TBX3: variants seen among roughly 807,000 people sequenced by gnomAD.
TBX3 encodes T-box transcription factor TBX3.
Under a neutral mutation model 47.8 loss-of-function variants are expected in TBX3, and 11 were observed. The observed-to-expected ratio is 0.23, with a 90% CI of 0.14 to 0.38. The LOEUF (loss-of-function observed/expected upper bound fraction) is 0.38, where lower values mean the gene tolerates loss of function less well. Among genes scored for constraint, TBX3 ranks in the 10% least tolerant of loss-of-function variants. TBX3 has a pLI of 1.00. For missense variants in TBX3, 927 were observed against 1,022.8 expected, an observed-to-expected ratio of 0.91 and a Z score of 1.28; for synonymous variants, 500 against 449.3, an observed-to-expected ratio of 1.11 and a Z score of -1.43.
intron 2 of TBX3, chr12:114,680,665 C>T: frequency 1.4e-6 from 1 of 695,074 alleles, no homozygotes. Flanking sequence ...AGAACACAAG[C>T]CGGTAAGTTT....
chr12:114,681,150 T>C lies in TBX3; in HGVS notation c.390-4A>G, dbSNP rs373887397. Reference sequence around the variant, plus strand: ...TTTAAATGGAGGAAACATTCGCCTATAAAACGAAAGAATAGAAAAGAAAAA... The same window carrying C: ...TTTAAATGGAGGAAACATTCGCCTACAAAACGAAAGAATAGAAAAGAAAAA... On this transcript the variant is annotated splice_region_variant and splice_polypyrimidine_tract_variant and intron_variant, in intron 1 of 6. Transcript: ENST00000349155. 52 of 1,613,834 alleles carry C rather than the reference T, an allele frequency of 3.2e-5. No individual in the cohort carries two copies. The African/African-American group carries it at 5.9e-4, about 18-fold the overall frequency.
At chr12:114,676,262 C>T (rs1868704109) in intron 5 of TBX3, 51 bp downstream of exon 5, 1 of 1,611,324 alleles carries the variant, frequency 6.2e-7, no homozygotes, top group Non-Finnish European at 8.5e-7. Context: ...TTCAACTCTT[C>T]CAGGCCACGA....
intron 4 of TBX3, among the ~76,000 whole-genome samples, chr12:114,677,006 AT>A (rs1325623441): frequency 7.0e-6 from 1 of 143,038 alleles, no homozygotes; most frequent in Non-Finnish European, 1.5e-5. Flanking sequence ...GTTAGCAATT[AT>A]TTTTTAATGC....
chr12:114,678,320 A>G (rs530167912), intron 3 of TBX3, among the ~76,000 whole-genome samples: 4 of 152,242 alleles, frequency 2.6e-5, no homozygotes, highest in African/African-American at 9.6e-5. Context: ...TAACAACTTC[A>G]TTTCACAGGA....
chr12:114,678,759 G>A (rs1027367749), intron 3 of TBX3, among the ~76,000 whole-genome samples: 1 of 152,142 alleles, frequency 6.6e-6, no homozygotes, highest in Non-Finnish European at 1.5e-5. Context: ...TCAGCAGTAA[G>A]GGTCACTTTT....
At position 114,679,867 on chromosome 12, in the gene TBX3, C is replaced by G. The variant is rs186079955; in HGVS notation, c.658-216G>C. On this transcript the variant is annotated intron_variant, in intron 2 of 6. Coordinates refer to ENST00000349155, the MANE Select transcript of TBX3 (RefSeq NM_005996.4). Reference sequence around the variant, plus strand: ...TCCTCAGTTGCCAAAGGGCCCCCCCCACCCTCACCATCTAAGGATCATTCA... The same window carrying G: ...TCCTCAGTTGCCAAAGGGCCCCCCCGACCCTCACCATCTAAGGATCATTCA... 1.2e-4 allele frequency: 188 copies of G among 1,605,442 alleles called. 2 individuals carry two copies. Among genetic ancestry groups the G allele is most frequent in the African/African-American group, 5.6e-4 (42 of 74,804 alleles).
chr12:114,683,773 A>G lies in TBX3; in HGVS notation c.-573T>C. On this transcript the variant is annotated 5_prime_UTR_variant, in exon 1 of 7. Transcript: ENST00000349155. This position sits in a 1 kb window ranked among gnomAD's most constrained non-coding sequence, Gnocchi z 7.7. The stretch of plus-strand genomic sequence containing the variant: ...GCTTTAACAGGGAGCGAGAGAGCGG[A>G]AAAAGTCTCTCTCCTTTAAAAAAAA... The G allele has an allele frequency of 4.5e-6, 1 of 224,418 alleles. No homozygotes were observed. Among genetic ancestry groups the G allele is most frequent in the Non-Finnish European group, 8.7e-6 (1 of 114,928 alleles). 13.9% of individuals were successfully genotyped at this position (224,418 alleles called of 1,614,324 possible).
intron 2 of TBX3, 111 bp from the exon 3 acceptor site, chr12:114,679,762 T>TA: frequency 6.4e-7 from 1 of 1,555,828 alleles, no homozygotes; most frequent in Non-Finnish European, 8.9e-7. Flanking sequence ...GTACCACGCT[T>TA]GTACCGAGCC....
chr12:114,680,062 A>T (rs758952127), intron 2 of TBX3: 144 of 1,350,566 alleles, frequency 1.1e-4, no homozygotes, highest in Non-Finnish European at 1.4e-4. Context: ...ATCCACTTAA[A>T]GCCCTGAAAG....
intron 6 of TBX3, among the ~76,000 whole-genome samples, chr12:114,672,673 C>A (rs956000224): frequency 6.6e-6 from 1 of 151,846 alleles, no homozygotes; most frequent in Admixed American, 6.6e-5. Flanking sequence ...GTGTGTGCAG[C>A]CCCCAGGAAA....
chr12:114,672,028 G>T lies in TBX3; in HGVS notation c.1985C>A (p.Ala662Asp), dbSNP rs753103762. The T allele has an allele frequency of 1.3e-6, 2 of 1,588,674 alleles. No individual in the cohort carries two copies. The highest frequency in any genetic ancestry group is 2.7e-5 in the African/African-American group (2 of 74,540). ...AGAGCCCGAGTCCACTGCCACCGAGGCCGGGCTGGCGGCCAGGGCGGCGAC... is the reference window on the plus strand; with the variant it reads ...AGAGCCCGAGTCCACTGCCACCGAGTCCGGGCTGGCGGCCAGGGCGGCGAC... ...GKVAALAASPASVAVDSGSEL... is the reference protein window; with the variant it reads ...GKVAALAASPDSVAVDSGSEL... Residue 662 changes from alanine (A) to aspartate (D), a missense_variant, in exon 7 of 7, where the codon GCC becomes GAC. By Grantham distance (126) the Ala-to-Asp change is moderately radical. This residue lies in a region of TBX3 where 623 missense variants were observed against 569.0 expected (regional missense o/e 1.09). Coordinates refer to ENST00000349155, the MANE Select transcript of TBX3 (RefSeq NM_005996.4).
At position 114,682,358 on chromosome 12, in the gene TBX3, G is replaced by C. The variant is rs375754562; in HGVS notation, c.389+454C>G. Among the ~76,000 whole-genome samples, 3 of 152,320 alleles carry C rather than the reference G, an allele frequency of 2.0e-5. No homozygotes were observed. In the East Asian group the frequency reaches 5.8e-4, roughly 29 times the overall value. On this transcript the variant is annotated intron_variant, in intron 1 of 6. Coordinates refer to ENST00000349155, the MANE Select transcript of TBX3 (RefSeq NM_005996.4). ...CAGAGGCTAGACTGGAGGGCAGAAA[G>C]GGCCGGGGAATGGTGTCAGGCCTCC... is the stretch of plus-strand genomic sequence containing the variant.
chr12:114,679,490 G>C lies in TBX3; in HGVS notation c.804+15C>G, dbSNP rs765125328. The C allele has an allele frequency of 1.9e-6, 3 of 1,614,122 alleles. No individual in the cohort carries two copies. In the South Asian group the frequency reaches 3.3e-5, roughly 18 times the overall value. On this transcript the variant is annotated intron_variant, in intron 3 of 6. Coordinates refer to ENST00000349155, the MANE Select transcript of TBX3 (RefSeq NM_005996.4). Reference sequence around the variant, plus strand: ...CAAAATATCACCATTAAAAAGGAAAGCCCCTTGAGTTTACCTTATCATTCT... The same window carrying C: ...CAAAATATCACCATTAAAAAGGAAACCCCCTTGAGTTTACCTTATCATTCT...
chr12:114,673,538 C>T (rs1565858848), intron 6 of TBX3, among the ~76,000 whole-genome samples: 1 of 152,142 alleles, frequency 6.6e-6, no homozygotes, highest in Non-Finnish European at 1.5e-5. Flanking sequence ...GGGAGAAGAG[C>T]TTCGAACTGG....
chr12:114,681,332 A>G (rs1216844112), intron 1 of TBX3, among the ~76,000 whole-genome samples, 186 bp from the exon 2 acceptor site: 1 of 152,220 alleles, frequency 6.6e-6, no homozygotes, highest in Non-Finnish European at 1.5e-5. Flanking sequence ...AACGTATTAA[A>G]TATTCTCAGT....
Position 114,670,960 on chromosome 12 carries a change from A to T in TBX3, c.*881T>A, listed in dbSNP as rs1254123818. The T allele has an allele frequency of 1.4e-5, 3 of 210,620 alleles. No homozygotes were observed. The highest frequency in any genetic ancestry group is 6.8e-5 in the African/African-American group (3 of 44,196). The allele number at this position is 210,620 out of a possible 1,614,324, so 13.0% of individuals were successfully genotyped here. ...TGTCTAATAGTCTCACTTCTTTATTATTTTTTTAAAACCTTGTTATTGCAT... is the reference window on the plus strand; with the variant it reads ...TGTCTAATAGTCTCACTTCTTTATTTTTTTTTTAAAACCTTGTTATTGCAT... On this transcript the variant is annotated 3_prime_UTR_variant, in exon 7 of 7. Coordinates refer to ENST00000349155, the MANE Select transcript of TBX3 (RefSeq NM_005996.4).
At chr12:114,674,959 G>A (rs1868644204) in intron 5 of TBX3, 124 bp from the exon 6 acceptor site, 6 of 1,276,538 alleles carry the variant, frequency 4.7e-6, no homozygotes, top group Middle Eastern at 3.8e-4. Flanking sequence ...CCCGGGGAAA[G>A]CCCCTTAGCC....
intron 3 of TBX3, 57 bp downstream of exon 3, chr12:114,679,448 A>G: frequency 3.1e-6 from 5 of 1,609,620 alleles, no homozygotes; most frequent in Non-Finnish European, 4.3e-6. Context: ...GACTTAAAGC[A>G]GCTTTTAAGG....
chr12:114,671,534 G>C lies in TBX3; in HGVS notation c.*307C>G, dbSNP rs1432075818. 2.0e-6 allele frequency: 1 copy of C among 500,758 alleles called. No homozygotes were observed. The highest frequency in any genetic ancestry group is 3.4e-5 in the East Asian group (1 of 29,104). 31.0% of individuals were successfully genotyped at this position (500,758 alleles called of 1,614,324 possible). A position where few individuals can be genotyped will look rare whatever the true frequency, so the allele number is the denominator to read the frequency against. Reference sequence around the variant, plus strand: ...TGAACACCTCCCCGCCTGGTGGGCAGAGACCCAGACCAGCCTTGCTGGAAG... The same window carrying C: ...TGAACACCTCCCCGCCTGGTGGGCACAGACCCAGACCAGCCTTGCTGGAAG... On this transcript the variant is annotated 3_prime_UTR_variant, in exon 7 of 7. Transcript: ENST00000349155.
Sources: allele counts gnomAD v4.1 joint callset (sites outside exome capture counted in the v4.1 genomes callset), GRCh38; gene constraint gnomAD v4.1.1; regional missense constraint gnomAD v4.1.1; non-coding constraint Gnocchi (gnomAD v3.1); transcripts MANE v1.5; gene names NCBI Gene and HGNC (gene_info 2026-07-23, HGNC 2026-07-21).